Variants in HCRTR2 observed in about 807,000 individuals in gnomAD.
The protein encoded by HCRTR2 is hypocretin receptor 2, also known as orexin receptor type 2.
HCRTR2 carries 22 observed loss-of-function variants against 49.0 expected under a neutral mutation model. The ratio of observed to expected loss-of-function variants is 0.45; its 90% CI spans 0.32 to 0.64. The LOEUF is 0.64. Ranked by LOEUF, HCRTR2 falls within the 30% of genes least tolerant of loss-of-function variation. The pLI is 0.04. For missense variants in HCRTR2, 491 were observed against 559.4 expected (o/e 0.88, Z 1.23); for synonymous variants, 236 against 205.3 (o/e 1.15, Z -1.28).
intron 1 of HCRTR2, among the ~76,000 whole-genome samples, chr6:55,219,371 A>G (rs1052475347): frequency 5.9e-5 from 9 of 152,238 alleles, no homozygotes; most frequent in African/African-American, 2.2e-4. Context: ...GTGGAATGAA[A>G]CTATAAATCA....
chr6:55,255,783 G>T (rs191253503), intron 3 of HCRTR2, among the ~76,000 whole-genome samples: 3 of 152,070 alleles, frequency 2.0e-5, no homozygotes, highest in African/African-American at 4.8e-5. Context: ...GTCCCTAATG[G>T]GCTTCAAATA....
intron 1 of HCRTR2, among the ~76,000 whole-genome samples, chr6:55,146,010 A>G (rs1483861998): frequency 3.3e-5 from 5 of 152,048 alleles, no homozygotes; most frequent in Admixed American, 2.0e-4. Flanking sequence ...ACTGCTGGAA[A>G]TGAGTTGTTG....
intron 1 of HCRTR2, among the ~76,000 whole-genome samples, chr6:55,141,103 T>TG (rs1190254907): frequency 6.6e-6 from 1 of 150,810 alleles, no homozygotes; most frequent in Admixed American, 6.6e-5. Flanking sequence ...GGGAGGCCGA[T>TG]GTGGGTGGAT....
intron 4 of HCRTR2, among the ~76,000 whole-genome samples, chr6:55,273,195 G>T (rs1767008218): frequency 6.6e-6 from 1 of 151,994 alleles, no homozygotes; most frequent in Admixed American, 6.6e-5. Context: ...ATGGTGGTGG[G>T]TGTAAGGGGC....
At chr6:55,197,008 C>T (rs764435457) in intron 1 of HCRTR2, among the ~76,000 whole-genome samples, 2 of 152,112 alleles carry the variant, frequency 1.3e-5, no homozygotes, top group Non-Finnish European at 2.9e-5. Context: ...CCTAACTGCA[C>T]CCTAATATTA....
intron 3 of HCRTR2, among the ~76,000 whole-genome samples, chr6:55,259,356 A>AAGAT (rs1766712441): frequency 6.6e-6 from 1 of 152,152 alleles, no homozygotes; most frequent in Non-Finnish European, 1.5e-5. Flanking sequence ...TATTAGGGAG[A>AAGAT]AGATAGTAAA....
intron 1 of HCRTR2, among the ~76,000 whole-genome samples, chr6:55,229,424 A>T (rs556071389): frequency 3.3e-5 from 5 of 152,202 alleles, no homozygotes; most frequent in Non-Finnish European, 7.3e-5. Context: ...ATTTAAATCA[A>T]AATGTTGAAG....
intron 1 of HCRTR2, among the ~76,000 whole-genome samples, chr6:55,234,316 C>A (rs62416789): frequency 0.18 from 27,541 of 151,664 alleles, 2,859 homozygotes; most frequent in Non-Finnish European, 0.24. Flanking sequence ...GAACACCTGA[C>A]TTATAGAAAA....
Position 55,126,552 on chromosome 6 carries a change from G to A in HCRTR2, c.-378+20007G>A, listed in dbSNP as rs1195503922. ...GGTGTCTGTCAGCCCCTACTGGGAG[G>A]TGTCTCCCAGTCAAGGGTTAAGGAC... On this transcript the variant is annotated intron_variant, in intron 1 of 7. Coordinates refer to the HCRTR2 transcript ENST00000615358. Among the ~76,000 whole-genome samples, 5 of 152,304 alleles carry A rather than the reference G, an allele frequency of 3.3e-5. No individual in the cohort carries two copies. In the South Asian group the frequency reaches 6.2e-4, roughly 19 times the overall value.
intron 1 of HCRTR2, among the ~76,000 whole-genome samples, chr6:55,124,092 G>A (rs1459342321): frequency 3.3e-5 from 5 of 151,848 alleles, no homozygotes; most frequent in African/African-American, 1.2e-4. Context: ...TTTTTTGAAG[G>A]GTTTTTTGTG....
intron 1 of HCRTR2, among the ~76,000 whole-genome samples, chr6:55,125,538 C>G (rs1288377425): frequency 6.6e-6 from 1 of 152,064 alleles, no homozygotes; most frequent in East Asian, 1.9e-4. Flanking sequence ...CTCTGGCTGC[C>G]CTTAACATTT....
intron 1 of HCRTR2, among the ~76,000 whole-genome samples, chr6:55,141,656 G>C (rs977169870): frequency 2.6e-5 from 4 of 152,070 alleles, no homozygotes; most frequent in Admixed American, 1.3e-4. Context: ...TGAGATGTTT[G>C]AACCCAGCTG....
At chr6:55,152,995 G>A (rs995310883) in intron 1 of HCRTR2, among the ~76,000 whole-genome samples, 1 of 151,842 alleles carries the variant, frequency 6.6e-6, no homozygotes, top group Non-Finnish European at 1.5e-5. Context: ...CCCTGTGTGC[G>A]TGTTTTTTTT....
intron 1 of HCRTR2, among the ~76,000 whole-genome samples, chr6:55,116,696 A>T (rs1467672959): frequency 7.8e-6 from 1 of 127,438 alleles, no homozygotes; most frequent in Non-Finnish European, 1.7e-5. Context: ...TATTCTGAAC[A>T]GTACTGTAAA....
chr6:55,127,254 G>A (rs1372669693), intron 1 of HCRTR2, among the ~76,000 whole-genome samples: 1 of 152,146 alleles, frequency 6.6e-6, no homozygotes, highest in East Asian at 1.9e-4. Context: ...CATGGGAGAA[G>A]CACAGTATCT....
At chr6:55,141,401 T>C (rs549785370) in intron 1 of HCRTR2, among the ~76,000 whole-genome samples, 1 of 152,108 alleles carries the variant, frequency 6.6e-6, no homozygotes, top group South Asian at 2.1e-4. Context: ...CTGTTTTTCA[T>C]GGTCTGGATG....
Position 55,263,778 on chromosome 6 carries a change from G to T in HCRTR2, c.718G>T (p.Val240Leu). Residue 240 changes from valine to leucine, a missense_variant, in exon 4 of 7, where the codon GTG (valine) becomes TTG (leucine). Physicochemically the swap from Val to Leu is conservative, Grantham distance 32. Coordinates refer to ENST00000370862, the MANE Select transcript of HCRTR2 (RefSeq NM_001384272.1). ...VTYMAPLCLMVLAYLQIFRKL... is the reference protein window; with the variant it reads ...VTYMAPLCLMLLAYLQIFRKL... ...ATACATGGCACCACTGTGTCTCATG[G>T]TGTTGGCTTATCTGCAAATATTTCG... 1 of 1,612,656 alleles carries T rather than the reference G, an allele frequency of 6.2e-7. No homozygotes were observed. Among genetic ancestry groups the T allele is most frequent in the Non-Finnish European group, 8.5e-7 (1 of 1,179,090 alleles).
chr6:55,125,456 C>T (rs1581784732), intron 1 of HCRTR2, among the ~76,000 whole-genome samples: 1 of 152,310 alleles, frequency 6.6e-6, no homozygotes, highest in African/African-American at 2.4e-5. Context: ...TGTCTTCTGG[C>T]TTGTAGGGTT....
chr6:55,160,609 A>C (rs1272079043), intron 1 of HCRTR2, among the ~76,000 whole-genome samples: 2 of 152,204 alleles, frequency 1.3e-5, no homozygotes, highest in Admixed American at 6.5e-5. Context: ...GCAAAGATAC[A>C]TATAGGCTCG....
Sources: allele counts gnomAD v4.1 joint callset (sites outside exome capture counted in the v4.1 genomes callset), GRCh38; gene constraint gnomAD v4.1.1; transcripts MANE v1.5; gene names NCBI Gene and HGNC (gene_info 2026-07-23, HGNC 2026-07-21).